SLC24A3: variants seen among roughly 807,000 people sequenced by gnomAD.
SLC24A3 encodes sodium/potassium/calcium exchanger 3.
SLC24A3 carries 28 observed loss-of-function variants against 75.8 expected under a neutral mutation model. The observed-to-expected ratio is 0.37, with a 90% CI of 0.27 to 0.51. SLC24A3 has a LOEUF of 0.51. Ranked by LOEUF, SLC24A3 falls within the 20% of genes least tolerant of loss-of-function variation. The pLI is 0.94. For synonymous variants in SLC24A3, 372 were observed against 334.1 expected, an observed-to-expected ratio of 1.11 and a Z score of -1.24; for missense variants, 663 against 847.8, an observed-to-expected ratio of 0.78 and a Z score of 2.71.
intron 2 of SLC24A3, among the ~76,000 whole-genome samples, chr20:19,334,615 C>T (rs1985084595): frequency 6.6e-6 from 1 of 152,238 alleles, no homozygotes; most frequent in Admixed American, 6.5e-5. Context: ...AGTTCATTGT[C>T]TTAGGTGGGT....
intron 2 of SLC24A3, among the ~76,000 whole-genome samples, chr20:19,349,839 C>G (rs546533109): frequency 8.5e-4 from 129 of 152,360 alleles, no homozygotes; most frequent in African/African-American, 2.8e-3. Flanking sequence ...TTCCAACTCT[C>G]TGGCTGCTTT....
At chr20:19,576,564 G>A (rs2031137999) in intron 3 of SLC24A3, among the ~76,000 whole-genome samples, 1 of 152,102 alleles carries the variant, frequency 6.6e-6, no homozygotes, top group Non-Finnish European at 1.5e-5. Flanking sequence ...TATGTCAAAG[G>A]GTATCTGGTT....
At chr20:19,245,432 A>G (rs1982458481) in intron 1 of SLC24A3, among the ~76,000 whole-genome samples, 1 of 152,194 alleles carries the variant, frequency 6.6e-6, no homozygotes, top group East Asian at 1.9e-4. Context: ...CATAAGTGTG[A>G]TCAATTTGAG....
At chr20:19,704,462 G>A (rs533808425) in intron 15 of SLC24A3, among the ~76,000 whole-genome samples, 1 of 152,262 alleles carries the variant, frequency 6.6e-6, no homozygotes, top group East Asian at 1.9e-4. Flanking sequence ...AAGGCAATAG[G>A]GATTCAGAAG....
chr20:19,580,499 A>G (rs1600288665), intron 4 of SLC24A3, among the ~76,000 whole-genome samples: 1 of 151,756 alleles, frequency 6.6e-6, no homozygotes, highest in South Asian at 2.1e-4. Context: ...CCAACCGCAT[A>G]CCTCTGCCAT....
intron 6 of SLC24A3, among the ~76,000 whole-genome samples, chr20:19,597,319 T>C (rs1012692179): frequency 2.0e-5 from 3 of 152,094 alleles, no homozygotes; most frequent in Admixed American, 6.5e-5. Flanking sequence ...CCTGGGTAGT[T>C]GAGGCTGCAG....
At chr20:19,241,658 T>C (rs1982332548) in intron 1 of SLC24A3, among the ~76,000 whole-genome samples, 1 of 152,226 alleles carries the variant, frequency 6.6e-6, no homozygotes, top group Non-Finnish European at 1.5e-5. Flanking sequence ...GATTTATAAC[T>C]AGCACTTCAG....
At chr20:19,578,670 A>T (rs1014799173) in intron 3 of SLC24A3, among the ~76,000 whole-genome samples, 1 of 152,100 alleles carries the variant, frequency 6.6e-6, no homozygotes, top group Admixed American at 6.5e-5. Context: ...AAAGGAAAAG[A>T]TACTGGGAGG....
intron 15 of SLC24A3, among the ~76,000 whole-genome samples, chr20:19,709,670 T>C (rs6035422): frequency 0.7 from 106,987 of 151,826 alleles, 38,112 homozygotes; most frequent in East Asian, 0.95. Flanking sequence ...CTTCTGAGGG[T>C]TCTTAGAGGG....
At chr20:19,587,546 C>T (rs945540771) in intron 6 of SLC24A3, among the ~76,000 whole-genome samples, 2 of 152,222 alleles carry the variant, frequency 1.3e-5, no homozygotes, top group African/African-American at 4.8e-5. Flanking sequence ...ACCTTTCCTT[C>T]TGACTTTCCT....
intron 15 of SLC24A3, among the ~76,000 whole-genome samples, chr20:19,715,054 G>A (rs1303117089): frequency 6.6e-6 from 1 of 152,224 alleles, no homozygotes; most frequent in East Asian, 1.9e-4. Context: ...AAGGATTCCT[G>A]AGTGTTTATC....
chr20:19,679,584 C>T (rs1454497802), intron 9 of SLC24A3, among the ~76,000 whole-genome samples: 1 of 145,902 alleles, frequency 6.9e-6, no homozygotes, highest in East Asian at 2.0e-4. Context: ...AGACGGAGAC[C>T]GTGGGGAGAG....
intron 6 of SLC24A3, among the ~76,000 whole-genome samples, chr20:19,613,490 C>A (rs1208823440): frequency 6.6e-6 from 1 of 152,170 alleles, no homozygotes; most frequent in Non-Finnish European, 1.5e-5. Flanking sequence ...TTGCTGAATT[C>A]TCCCTGGAAT....
chr20:19,688,749 G>A (rs2032710383), intron 12 of SLC24A3, among the ~76,000 whole-genome samples: 1 of 152,208 alleles, frequency 6.6e-6, no homozygotes, highest in Non-Finnish European at 1.5e-5. Flanking sequence ...TAATGGGTAT[G>A]ATGATTACCA....
chr20:19,478,005 G>A (rs562083128), intron 2 of SLC24A3, among the ~76,000 whole-genome samples: 51 of 152,278 alleles, frequency 3.3e-4, no homozygotes, highest in Admixed American at 1.4e-3. Flanking sequence ...TCCCCCTTTC[G>A]AAAGCCATCA....
At chr20:19,449,396 C>T (rs1254303550) in intron 2 of SLC24A3, among the ~76,000 whole-genome samples, 2 of 152,252 alleles carry the variant, frequency 1.3e-5, no homozygotes, top group African/African-American at 4.8e-5. Flanking sequence ...TCCTGCCCCA[C>T]GTGGCGCCCA....
rs113635982 is a variant in SLC24A3, at chr20:19,592,498, C to T, written c.612+6954C>T. ...GATTTAGGTTTGCAAGAGAGGTACT[C>T]ATAATCAGCACGGTGCAATGGGGGA... On this transcript the variant is annotated intron_variant, in intron 6 of 16. Coordinates refer to ENST00000328041, the MANE Select transcript of SLC24A3 (RefSeq NM_020689.4). 2.0e-3 allele frequency among the ~76,000 whole-genome samples: 307 copies of T among 152,302 alleles called. 2 individuals carry two copies. The highest frequency in any genetic ancestry group is 7.0e-3 in the African/African-American group (292 of 41,558).
intron 2 of SLC24A3, among the ~76,000 whole-genome samples, chr20:19,351,131 G>A (rs1985555895): frequency 6.6e-6 from 1 of 152,194 alleles, no homozygotes; most frequent in South Asian, 2.1e-4. Flanking sequence ...TTGGGAGGGT[G>A]ATAGAGAGGA....
At chr20:19,264,721 T>C (rs1600400114) in intron 1 of SLC24A3, among the ~76,000 whole-genome samples, 2 of 100,884 alleles carry the variant, frequency 2.0e-5, no homozygotes, top group African/African-American at 4.1e-5. Flanking sequence ...AGAGCGAGAC[T>C]CCATCTCAAA....
Sources: allele counts gnomAD v4.1 joint callset (sites outside exome capture counted in the v4.1 genomes callset), GRCh38; gene constraint gnomAD v4.1.1; transcripts MANE v1.5; gene names NCBI Gene and HGNC (gene_info 2026-07-23, HGNC 2026-07-21).